Variants in ATXN1 observed in about 807,000 individuals in gnomAD.
The protein encoded by ATXN1 is ataxin-1.
ATXN1 carries 8 observed loss-of-function variants against 56.4 expected under a neutral mutation model. That is an observed-to-expected ratio of 0.14 (90% CI 0.08 to 0.26). The LOEUF is 0.26. ATXN1 is among the 10% of genes least tolerant of loss of function. The probability of loss-of-function intolerance (pLI) is 1.00; values close to 1 mark genes in which losing one functional copy is unlikely to be tolerated. For synonymous variants in ATXN1, 514 were observed against 494.6 expected (o/e 1.04, Z -0.52); for missense variants, 987 against 1,106.5 (o/e 0.89, Z 1.53).
intron 6 of ATXN1, among the ~76,000 whole-genome samples, chr6:16,448,108 C>T (rs1561899744): frequency 6.6e-6 from 1 of 152,174 alleles, no homozygotes; most frequent in Non-Finnish European, 1.5e-5. Flanking sequence ...CATGTCAAGA[C>T]TTAGAAGGCC....
At position 16,408,475 on chromosome 6, in the gene ATXN1, C is replaced by A. The variant is rs2113547263; in HGVS notation, c.-161+77497G>T. 1.3e-5 allele frequency among the ~76,000 whole-genome samples: 2 copies of A among 150,648 alleles called. 1 individual carries two copies. The highest frequency in any genetic ancestry group is 4.2e-4 in the South Asian group (2 of 4,772). On this transcript the variant is annotated intron_variant, in intron 6 of 7. Transcript: ENST00000436367. ...AATACTTTCCTTCATCAAGTGAGAA[C>A]CCTGGAAGAAGATGAGAATGAGGAA...
At chr6:16,520,699 T>C (rs1004166295) in intron 5 of ATXN1, among the ~76,000 whole-genome samples, 7 of 152,216 alleles carry the variant, frequency 4.6e-5, no homozygotes, top group Non-Finnish European at 1.0e-4. Context: ...TACTGTGGTG[T>C]GCTCTGAGAA....
At chr6:16,365,762 AACCTGTAATG>A (rs1327629481) in intron 6 of ATXN1, among the ~76,000 whole-genome samples, 1 of 152,254 alleles carries the variant, frequency 6.6e-6, no homozygotes, top group Non-Finnish European at 1.5e-5. Flanking sequence ...GGACCCAAAC[AACCTGTAATG>A]ACCTCATTTT....
intron 6 of ATXN1, among the ~76,000 whole-genome samples, chr6:16,375,106 C>T (rs958112428): frequency 6.6e-6 from 1 of 152,298 alleles, no homozygotes; most frequent in South Asian, 2.1e-4. Flanking sequence ...TGAAGAAAGC[C>T]GAGGCATTCT....
chr6:16,564,123 G>A (rs1467628012), intron 4 of ATXN1, among the ~76,000 whole-genome samples: 1 of 152,100 alleles, frequency 6.6e-6, no homozygotes, highest in African/African-American at 2.4e-5. Flanking sequence ...CTCAGCCCCC[G>A]TCTATAAAGT....
At chr6:16,322,691 C>T (rs1369411137) in intron 7 of ATXN1, among the ~76,000 whole-genome samples, 1 of 152,134 alleles carries the variant, frequency 6.6e-6, no homozygotes, top group Non-Finnish European at 1.5e-5. Context: ...AGGATGTAGC[C>T]TTTGGAACCT....
chr6:16,732,802 T>C (rs1265719324), intron 2 of ATXN1, among the ~76,000 whole-genome samples: 1 of 152,240 alleles, frequency 6.6e-6, no homozygotes, highest in Non-Finnish European at 1.5e-5. Context: ...TTTGACTAGA[T>C]GTGCTTCTTT....
chr6:16,570,437 AT>A (rs1762312090), intron 4 of ATXN1, among the ~76,000 whole-genome samples: 1 of 152,044 alleles, frequency 6.6e-6, no homozygotes, highest in African/African-American at 2.4e-5. Flanking sequence ...TTTATTGGTC[AT>A]TTTTCTCCTT....
chr6:16,484,949 G>A (rs201984885), intron 6 of ATXN1, among the ~76,000 whole-genome samples: 17 of 63,012 alleles, frequency 2.7e-4, no homozygotes, highest in Non-Finnish European at 3.3e-4. Context: ...AAATATATAT[G>A]TGTGTGTGTG....
chr6:16,587,481 T>C (rs1164893708), intron 3 of ATXN1, among the ~76,000 whole-genome samples: 1 of 152,192 alleles, frequency 6.6e-6, no homozygotes, highest in African/African-American at 2.4e-5. Flanking sequence ...TATGAGCATA[T>C]CAAGAAATCA....
intron 4 of ATXN1, among the ~76,000 whole-genome samples, chr6:16,553,563 T>C (rs923705999): frequency 6.6e-6 from 1 of 152,250 alleles, no homozygotes; most frequent in Non-Finnish European, 1.5e-5. Context: ...TTGTCTACCT[T>C]AGTATCTTCA....
At chr6:16,308,322 T>TCACA (rs35291830) in intron 7 of ATXN1, among the ~76,000 whole-genome samples, 5,717 of 132,640 alleles carry the variant, frequency 0.043, 165 homozygotes, top group East Asian at 0.11. Flanking sequence ...TGAAACTCCG[T>TCACA]CACACACACA....
At chr6:16,483,952 G>C (rs1194214987) in intron 6 of ATXN1, among the ~76,000 whole-genome samples, 1 of 152,144 alleles carries the variant, frequency 6.6e-6, no homozygotes, top group Non-Finnish European at 1.5e-5. Context: ...TACCTGATTG[G>C]GAAAATGATT....
chr6:16,495,240 C>A (rs375488850), intron 5 of ATXN1, among the ~76,000 whole-genome samples: 1 of 152,132 alleles, frequency 6.6e-6, no homozygotes, highest in Non-Finnish European at 1.5e-5. Flanking sequence ...TAGTAAAAAT[C>A]CTAAAAAAGA....
intron 3 of ATXN1, among the ~76,000 whole-genome samples, chr6:16,594,963 A>G (rs2113774619): frequency 6.6e-6 from 1 of 152,334 alleles, no homozygotes; most frequent in Non-Finnish European, 1.5e-5. Context: ...CTGAGGGTTA[A>G]TAATTTGAAG....
At chr6:16,347,865 TGTGGA>T (rs2113454045) in intron 6 of ATXN1, among the ~76,000 whole-genome samples, 1 of 152,000 alleles carries the variant, frequency 6.6e-6, no homozygotes, top group Admixed American at 6.5e-5. Flanking sequence ...CTTTCCACAC[TGTGGA>T]AGCTTTGTTC....
Position 16,460,328 on chromosome 6 carries a change from G to T in ATXN1, c.-161+25644C>A, listed in dbSNP as rs575874083. Among the ~76,000 whole-genome samples the T allele has an allele frequency of 5.9e-5, 9 of 152,272 alleles. No individual in the cohort carries two copies. The South Asian group carries it at 1.9e-3, about 32-fold the overall frequency. On this transcript the variant is annotated intron_variant, in intron 6 of 7. Transcript: ENST00000436367. ...GACTTGTAGGACAACCCCACAACCA[G>T]TAAGGAAGGAACCCCACAACCTAAG...
intron 1 of ATXN1, among the ~76,000 whole-genome samples, chr6:16,758,521 T>C (rs1760956289): frequency 6.6e-6 from 1 of 152,244 alleles, no homozygotes; most frequent in Non-Finnish European, 1.5e-5. Context: ...AGAAGCCTCA[T>C]TCAGTGTCTC....
At position 16,306,898 on chromosome 6, in the gene ATXN1, G is replaced by A. The variant is rs754416981; in HGVS notation, c.1918-39C>T. 147 of 1,544,428 alleles carry A rather than the reference G, an allele frequency of 9.5e-5. 1 individual carries two copies. Among genetic ancestry groups the A allele is most frequent in the Non-Finnish European group, 1.2e-4 (134 of 1,150,564 alleles). The stretch of plus-strand genomic sequence containing the variant: ...GAGAGACAGAGAGAGGAAGAAGGAA[G>A]GGAACAAATGAAAACATTTTATTCT... On this transcript the variant is annotated intron_variant, in intron 7 of 7. Transcript: ENST00000436367. This position sits in a 1 kb window ranked among gnomAD's most constrained non-coding sequence, Gnocchi z 5.2.
Sources: gnomAD v4.1 joint callset for allele counts (sites outside exome capture counted in the v4.1 genomes callset) on GRCh38, gnomAD v4.1.1 for gene constraint, Gnocchi (gnomAD v3.1) non-coding constraint, MANE v1.5 for transcripts, NCBI Gene and HGNC (gene_info 2026-07-23, HGNC 2026-07-21) for gene names.